SLC4A5: variants seen among roughly 807,000 people sequenced by gnomAD.
The protein encoded by SLC4A5 is solute carrier family 4 member 5.
In SLC4A5, 96 loss-of-function variants were observed where a neutral mutation model predicts 120.4. The ratio of observed to expected loss-of-function variants is 0.80; its 90% CI spans 0.68 to 0.94. The LOEUF is 0.94. Ranked by LOEUF, SLC4A5 falls within the 40% of genes least tolerant of loss-of-function variation. The pLI is 0.00. For missense variants in SLC4A5, 1,259 were observed against 1,459.5 expected (o/e 0.86, Z 2.24); for synonymous variants, 550 against 571.1 (o/e 0.96, Z 0.53).
At chr2:74,313,704 T>C (rs1272928059) in intron 6 of SLC4A5, among the ~76,000 whole-genome samples, 1 of 152,204 alleles carries the variant, frequency 6.6e-6, no homozygotes, top group Non-Finnish European at 1.5e-5. Context: ...CCCTTCCCTA[T>C]ACTGCATTGT....
chr2:74,246,653 G>T (rs938105029), intron 19 of SLC4A5, among the ~76,000 whole-genome samples: 3 of 152,194 alleles, frequency 2.0e-5, no homozygotes, highest in Non-Finnish European at 4.4e-5. Flanking sequence ...CTTGGGGAGA[G>T]CTCATCGTAT....
intron 8 of SLC4A5, among the ~76,000 whole-genome samples, chr2:74,265,977 T>C (rs1671289200): frequency 6.6e-6 from 1 of 152,156 alleles, no homozygotes; most frequent in Non-Finnish European, 1.5e-5. Flanking sequence ...TAGCTCCCCT[T>C]TGTAAGATGT....
chr2:74,288,277 T>C (rs1442790062), intron 7 of SLC4A5, among the ~76,000 whole-genome samples: 3 of 152,134 alleles, frequency 2.0e-5, no homozygotes, highest in African/African-American at 4.8e-5. Flanking sequence ...TGCTTTTTAG[T>C]TTGCCACAGT....
chr2:74,230,709 T>C (rs957924050), intron 25 of SLC4A5, among the ~76,000 whole-genome samples: 6 of 151,910 alleles, frequency 3.9e-5, no homozygotes, highest in Admixed American at 3.9e-4. Context: ...GGAGAGAGGA[T>C]TGGTGATGAT....
chr2:74,233,653 T>C (rs1235508875), intron 22 of SLC4A5, 90 bp from the exon 23 acceptor site: 3 of 1,420,498 alleles, frequency 2.1e-6, no homozygotes, highest in African/African-American at 2.9e-5. Context: ...CTCCTCAACT[T>C]TCCCTGACTT....
At chr2:74,308,861 T>C (rs1672726880) in intron 6 of SLC4A5, among the ~76,000 whole-genome samples, 1 of 152,096 alleles carries the variant, frequency 6.6e-6, no homozygotes, top group African/African-American at 2.4e-5. Context: ...CATTATACAT[T>C]TAGGTTTAAG....
At chr2:74,301,753 G>A (rs1434868390) in intron 7 of SLC4A5, among the ~76,000 whole-genome samples, 4 of 152,218 alleles carry the variant, frequency 2.6e-5, no homozygotes, top group Non-Finnish European at 4.4e-5. Context: ...GTGAAAGACT[G>A]AGGGTTGAGA....
intron 6 of SLC4A5, chr2:74,307,581 G>A: frequency 2.9e-6 from 2 of 687,832 alleles, no homozygotes; most frequent in Non-Finnish European, 5.4e-6. Flanking sequence ...ATTGTCCACA[G>A]TATTTGCGAA....
intron 6 of SLC4A5, chr2:74,306,988 G>A: frequency 1.7e-6 from 1 of 597,248 alleles, no homozygotes; most frequent in South Asian, 1.5e-5. Flanking sequence ...GATTCCAGGT[G>A]CAGCAGGATC....
At chr2:74,248,214 G>A (rs1181892461) in intron 18 of SLC4A5, 139 bp downstream of exon 18, 2 of 1,192,258 alleles carry the variant, frequency 1.7e-6, no homozygotes, top group Admixed American at 2.3e-5. Context: ...GGGGCCACCT[G>A]GTAGCCCTTC....
At chr2:74,218,139 A>G (rs985008961) in exon 31 of SLC4A5, 21 of 152,218 alleles carry the variant, frequency 1.4e-4, no homozygotes, top group African/African-American at 4.8e-4. Flanking sequence ...AGGAAATTGG[A>G]TGTGACAGGG....
intron 6 of SLC4A5, chr2:74,307,713 C>G: frequency 2.5e-6 from 2 of 806,864 alleles, no homozygotes; most frequent in Non-Finnish European, 4.1e-6. Flanking sequence ...AGTCTCCAGG[C>G]TCCTCACTGT....
chr2:74,291,974 C>G (rs560108988), intron 7 of SLC4A5, among the ~76,000 whole-genome samples: 2 of 151,872 alleles, frequency 1.3e-5, no homozygotes, highest in South Asian at 4.1e-4. Context: ...CAAAAAGACC[C>G]TCTTTATTCA....
At chr2:74,341,558 G>A (rs1673627367) in intron 2 of SLC4A5, among the ~76,000 whole-genome samples, 1 of 152,176 alleles carries the variant, frequency 6.6e-6, no homozygotes, top group Admixed American at 6.5e-5. Flanking sequence ...AATTTACACA[G>A]GGGGCACTGA....
chr2:74,227,704 A>G, intron 26 of SLC4A5, 106 bp downstream of exon 26: 2 of 1,164,486 alleles, frequency 1.7e-6, no homozygotes, highest in Non-Finnish European at 2.4e-6. Flanking sequence ...TTGAATTAGG[A>G]CAATTGGGGA....
intron 8 of SLC4A5, among the ~76,000 whole-genome samples, chr2:74,280,844 C>T (rs1486672451): frequency 1.3e-5 from 2 of 152,098 alleles, no homozygotes; most frequent in Non-Finnish European, 2.9e-5. Context: ...ACCACCATGC[C>T]TGGTTAATTT....
intron 11 of SLC4A5, 50 bp from the exon 12 acceptor site, chr2:74,259,693 G>A (rs1284674279): frequency 6.3e-7 from 1 of 1,593,868 alleles, no homozygotes; most frequent in Non-Finnish European, 8.6e-7. Context: ...GGCTCTTGCA[G>A]GTCCCTTTCC....
chr2:74,321,824 TC>T (rs1673106420), intron 5 of SLC4A5, among the ~76,000 whole-genome samples: 1 of 151,740 alleles, frequency 6.6e-6, no homozygotes, highest in Non-Finnish European at 1.5e-5. Flanking sequence ...TGAGCTGGGA[TC>T]TATATAAACC....
At chr2:74,317,273 T>TC (rs1020667781) in intron 5 of SLC4A5, among the ~76,000 whole-genome samples, 2 of 152,116 alleles carry the variant, frequency 1.3e-5, no homozygotes, top group Admixed American at 6.5e-5. Context: ...GTTAACAGGG[T>TC]CATCATCATT....
Sources: allele counts gnomAD v4.1 joint callset (sites outside exome capture counted in the v4.1 genomes callset), GRCh38; gene constraint gnomAD v4.1.1; transcripts MANE v1.5; gene names NCBI Gene and HGNC (gene_info 2026-07-23, HGNC 2026-07-21).